Variants in PRKCSH observed in about 807,000 individuals in gnomAD.
PRKCSH encodes glucosidase 2 subunit beta.
Under a neutral mutation model 79.7 loss-of-function variants are expected in PRKCSH, and 42 were observed. That is an observed-to-expected ratio of 0.53 (90% CI 0.41 to 0.68). The LOEUF (loss-of-function observed/expected upper bound fraction) is 0.68. Among genes scored for constraint, PRKCSH ranks in the 30% least tolerant of loss-of-function variants. PRKCSH has a pLI of 0.00. For synonymous variants in PRKCSH, 325 were observed against 288.2 expected (o/e 1.13, Z -1.29); for missense variants, 686 against 709.0 (o/e 0.97, Z 0.37).
Position 11,448,218 on chromosome 19 carries a change from C to T in PRKCSH, c.1127-4C>T, listed in dbSNP as rs200015811. The T allele has an allele frequency of 1.3e-6, 2 of 1,556,408 alleles. No individual in the cohort carries two copies. The highest frequency in any genetic ancestry group is 2.4e-5 in the East Asian group (1 of 41,454). On this transcript the variant is annotated splice_polypyrimidine_tract_variant and splice_region_variant and intron_variant, in intron 12 of 17. Transcript: ENST00000677123. The surrounding 1 kb of genome is among the most constrained non-coding windows in gnomAD (Gnocchi z 4.4). ...ACATCTCTGACCTCCAACCCCTCTC[C>T]CAGCTGCCCAGGAGGCCCGCAACAA...
At position 11,443,231 on chromosome 19, in the gene PRKCSH, G is replaced by A. The variant is rs548336349; in HGVS notation, c.598+716G>A. On this transcript the variant is annotated intron_variant, in intron 7 of 17. Coordinates refer to ENST00000677123, the MANE Select transcript of PRKCSH (RefSeq NM_001289104.2). ...AGTTCGAGACCACCCTGGCCAACAT[G>A]GTGAAACGCCATCTCTACTAAAAGA... is the stretch of plus-strand genomic sequence containing the variant. Among the ~76,000 whole-genome samples, 19 of 151,846 alleles carry A rather than the reference G, an allele frequency of 1.3e-4. No homozygotes were observed. In the South Asian group the frequency reaches 2.1e-3, roughly 17 times the overall value.
chr19:11,446,927 C>T, intron 9 of PRKCSH, 147 bp from the exon 10 acceptor site: 2 of 800,668 alleles, frequency 2.5e-6, no homozygotes, highest in Admixed American at 4.0e-5. Flanking sequence ...CTCCTGGCCG[C>T]AGTGCCTCAC....
intron 3 of PRKCSH, among the ~76,000 whole-genome samples, chr19:11,437,180 C>T (rs1969802439): frequency 6.6e-6 from 1 of 151,670 alleles, no homozygotes; most frequent in South Asian, 2.1e-4. Context: ...GGACTACAGG[C>T]ACCCACCACC....
chr19:11,438,008 A>G (rs997311589), intron 4 of PRKCSH, 37 bp downstream of exon 4: 3 of 1,613,624 alleles, frequency 1.9e-6, no homozygotes, highest in Admixed American at 1.7e-5. Flanking sequence ...GAAAGGTGGT[A>G]GAGGGAGGGA....
intron 5 of PRKCSH, among the ~76,000 whole-genome samples, chr19:11,440,555 C>G (rs943890120): frequency 3.3e-5 from 5 of 152,062 alleles, no homozygotes; most frequent in Non-Finnish European, 4.4e-5. Flanking sequence ...AAGTGATTCT[C>G]TTGCCTCAGC....
At position 11,449,284 on chromosome 19, in the gene PRKCSH, A is replaced by G. The variant is rs1970475639; in HGVS notation, c.1480A>G (p.Lys494Glu). 2 of 1,613,652 alleles carry G rather than the reference A, an allele frequency of 1.2e-6. No individual in the cohort carries two copies. The highest frequency in any genetic ancestry group is 1.7e-5 in the Admixed American group (1 of 60,008). ...RSTTVRLLCG[K>E]ETMVTSTTEP... ...TCCCCAGGTGCGCCTCCTGTGCGGG[A>G]AAGAGACCATGGTGACCAGCACCAC... The change falls in exon 17 of 18, where the codon AAA (lysine) becomes GAA (glutamate). Residue 494 changes from lysine (K) to glutamate (E), a missense_variant. By Grantham distance (56) the Lys-to-Glu change is moderately conservative. Around this residue, in one of 2 missense-constraint regions of PRKCSH, gnomAD observed 137 missense variants for 188.8 expected, o/e 0.73. Transcript: ENST00000677123. The surrounding 1 kb of genome is among the most constrained non-coding windows in gnomAD (Gnocchi z 6.4).
At chr19:11,446,063 T>C (rs749390420) in intron 8 of PRKCSH, among the ~76,000 whole-genome samples, 4 of 145,442 alleles carry the variant, frequency 2.8e-5, no homozygotes, top group Non-Finnish European at 4.5e-5. Context: ...TCCAGGTATC[T>C]CCCAGTCCCA....
intron 4 of PRKCSH, 47 bp from the exon 5 acceptor site, chr19:11,438,020 G>T: frequency 6.2e-7 from 1 of 1,613,950 alleles, no homozygotes; most frequent in Non-Finnish European, 8.5e-7. Context: ...AGGGAGGGAG[G>T]GAGGAGGCAC....
chr19:11,437,923 T>C lies in PRKCSH; in HGVS notation c.244T>C (p.Tyr82His), dbSNP rs775089355. Reference protein sequence around the residue: ...NGSFHCTNTGYKPLYIPSNRV... With the variant: ...NGSFHCTNTGHKPLYIPSNRV... ...CAGCTTCCACTGCACCAACACTGGC[T>C]ATAAGCCCCTGTATATCCCCTCCAA... The change falls in exon 4 of 18, where the codon TAT becomes CAT. Residue 82 changes from tyrosine to histidine, a missense_variant. Tyr to His is a moderately conservative substitution (Grantham distance 83). Around this residue, in one of 2 missense-constraint regions of PRKCSH, gnomAD observed 549 missense variants for 520.2 expected, o/e 1.06. Transcript: ENST00000677123. 4 of 1,614,218 alleles carry C rather than the reference T, an allele frequency of 2.5e-6. No individual in the cohort carries two copies. The South Asian group carries it at 4.4e-5, about 18-fold the overall frequency.
intron 8 of PRKCSH, 89 bp from the exon 9 acceptor site, chr19:11,446,183 C>A: frequency 1.4e-6 from 2 of 1,428,076 alleles, no homozygotes; most frequent in Non-Finnish European, 1.9e-6. Context: ...TGGGGCCCTG[C>A]AGGGAAGAAC....
rs1347833284 is a variant in PRKCSH, at chr19:11,436,027, C to T, written c.-77-14C>T. The stretch of plus-strand genomic sequence containing the variant: ...GCCCTCTCCCACTGACCGGGATCCG[C>T]TTTCTTCCTGCAGCGTGAAGACACA... On this transcript the variant is annotated splice_polypyrimidine_tract_variant and intron_variant, in intron 1 of 17. Transcript: ENST00000677123. The T allele has an allele frequency of 1.9e-6, 3 of 1,548,766 alleles. No individual in the cohort carries two copies. Among genetic ancestry groups the T allele is most frequent in the Non-Finnish European group, 1.8e-6 (2 of 1,134,816 alleles).
rs963461824 is a variant in PRKCSH at position 11,440,051 on chromosome 19, C to A, written c.351-1189C>A. On this transcript the variant is annotated intron_variant, in intron 5 of 17. Transcript: ENST00000677123. The stretch of plus-strand genomic sequence containing the variant: ...AGTGAGCTAAAAAGTAAAAAAAAAA[C>A]AAAAAAAACACAAAGTCCTATCAGT... Among the ~76,000 whole-genome samples, 9 of 150,178 alleles carry A rather than the reference C, an allele frequency of 6.0e-5. No individual in the cohort carries two copies. The East Asian group carries it at 6.0e-4, about 10-fold the overall frequency.
chr19:11,449,007 C>T lies in PRKCSH; in HGVS notation c.1361+19C>T. 4.3e-6 allele frequency: 7 copies of T among 1,613,138 alleles called. No homozygotes were observed. Among genetic ancestry groups the T allele is most frequent in the Non-Finnish European group, 5.1e-6 (6 of 1,179,972 alleles). On this transcript the variant is annotated intron_variant, in intron 15 of 17. Coordinates refer to ENST00000677123, the MANE Select transcript of PRKCSH (RefSeq NM_001289104.2). This position sits in a 1 kb window ranked among gnomAD's most constrained non-coding sequence, Gnocchi z 6.4. ...GCCTTGGGTGAGTGGCTTGGGCTGGCCCCTTCCCTCTGCCTCCTCCTGGTG... is the reference window on the plus strand; with the variant it reads ...GCCTTGGGTGAGTGGCTTGGGCTGGTCCCTTCCCTCTGCCTCCTCCTGGTG...
At chr19:11,439,915 G>A (rs937079453) in intron 5 of PRKCSH, among the ~76,000 whole-genome samples, 2 of 151,690 alleles carry the variant, frequency 1.3e-5, no homozygotes, top group Non-Finnish European at 2.9e-5. Context: ...CACCATGCCC[G>A]GCTGAAAATT....
At position 11,449,032 on chromosome 19, in the gene PRKCSH, G is replaced by A; in HGVS notation, c.1361+44G>A. On this transcript the variant is annotated intron_variant, in intron 15 of 17. Transcript: ENST00000677123. The surrounding 1 kb of genome is among the most constrained non-coding windows in gnomAD (Gnocchi z 6.4). Reference sequence around the variant, plus strand: ...CCCCTTCCCTCTGCCTCCTCCTGGTGCCCCGACACCGGCCCAGCCCTCAGC... The same window carrying A: ...CCCCTTCCCTCTGCCTCCTCCTGGTACCCCGACACCGGCCCAGCCCTCAGC... 6.2e-7 allele frequency: 1 copy of A among 1,612,924 alleles called. No homozygotes were observed. The highest frequency in any genetic ancestry group is 1.1e-5 in the South Asian group (1 of 91,092).
At chr19:11,445,510 T>G (rs1223911621) in intron 8 of PRKCSH, 37 bp downstream of exon 8, 1 of 1,602,238 alleles carries the variant, frequency 6.2e-7, no homozygotes, top group Admixed American at 1.7e-5. Flanking sequence ...CACCTTTCCG[T>G]GGGCCTGGGT....
chr19:11,449,236 C>T lies in PRKCSH; in HGVS notation c.1462-30C>T, dbSNP rs761942514. On this transcript the variant is annotated intron_variant, in intron 16 of 17. Coordinates refer to ENST00000677123, the MANE Select transcript of PRKCSH (RefSeq NM_001289104.2). The surrounding 1 kb of genome is among the most constrained non-coding windows in gnomAD (Gnocchi z 6.4). ...AGACCCAGGCCTGGCCCAGCCGAAC[C>T]CTCTCGAGCACCCGTCTGCCCATCC... 6.2e-7 allele frequency: 1 copy of T among 1,613,516 alleles called. No homozygotes were observed. Among genetic ancestry groups the T allele is most frequent in the Non-Finnish European group, 8.5e-7 (1 of 1,179,958 alleles).
Position 11,448,356 on chromosome 19 carries a change from C to T in PRKCSH, c.1196+65C>T. 1 of 1,541,406 alleles carries T rather than the reference C, an allele frequency of 6.5e-7. No homozygotes were observed. The highest frequency in any genetic ancestry group is 8.8e-7 in the Non-Finnish European group (1 of 1,136,374). On this transcript the variant is annotated intron_variant, in intron 13 of 17. Coordinates refer to ENST00000677123, the MANE Select transcript of PRKCSH (RefSeq NM_001289104.2). The surrounding 1 kb of genome is among the most constrained non-coding windows in gnomAD (Gnocchi z 4.4). ...GACTGCTCCTTGACTCCCAGGGGAG[C>T]TGGTGATGGGGAATCACTGAGGCAA...
intron 6 of PRKCSH, 32 bp downstream of exon 6, chr19:11,441,389 A>T (rs1599491483): frequency 6.2e-7 from 1 of 1,604,068 alleles, no homozygotes; most frequent in Non-Finnish European, 8.5e-7. Flanking sequence ...CCCCAGGGTG[A>T]TCTGGGCCTT....
Sources: allele counts gnomAD v4.1 joint callset (sites outside exome capture counted in the v4.1 genomes callset), GRCh38; gene constraint gnomAD v4.1.1; regional missense constraint gnomAD v4.1.1; non-coding constraint Gnocchi (gnomAD v3.1); transcripts MANE v1.5; gene names NCBI Gene and HGNC (gene_info 2026-07-23, HGNC 2026-07-21).